METTL24: variants seen among roughly 807,000 people sequenced by gnomAD.
METTL24 encodes the protein probable methyltransferase-like protein 24.
A neutral mutation model predicts 32.7 loss-of-function variants in METTL24; 29 were observed. The observed-to-expected ratio is 0.89, with a 90% CI of 0.66 to 1.21. The LOEUF (loss-of-function observed/expected upper bound fraction) is 1.21, where lower values mean the gene tolerates loss of function less well. Among genes scored for constraint, METTL24 ranks in the 50% most tolerant of loss-of-function variants. The pLI is 0.00. For synonymous variants in METTL24, 163 were observed against 179.5 expected (o/e 0.91, Z 0.73); for missense variants, 439 against 468.1 (o/e 0.94, Z 0.57).
chr6:110,266,772 A>C (rs1283697439), intron 4 of METTL24, among the ~76,000 whole-genome samples: 1 of 152,218 alleles, frequency 6.6e-6, no homozygotes, highest in Non-Finnish European at 1.5e-5. Context: ...AAGCAGCCAG[A>C]TACTGACATT....
intron 4 of METTL24, among the ~76,000 whole-genome samples, chr6:110,273,013 G>C (rs1384516365): frequency 1.3e-5 from 2 of 151,954 alleles, no homozygotes; most frequent in African/African-American, 4.8e-5. Flanking sequence ...ATCTGCTTGG[G>C]GGTTCTTAGT....
In METTL24 at chr6:110,322,809, C is replaced by A. The variant is rs554080098; in HGVS notation, c.382G>T (p.Ala128Ser). ...AGSAQSLDEE[A>S]WRFLRYISTT... is the part of the protein sequence containing the mutation. The stretch of plus-strand genomic sequence containing the variant: ...CTGATATATCTCAGGAACCTCCAGG[C>A]TTCTTCATCCAGGGACTGAGCAGAG... Residue 128 changes from alanine (A) to serine (S), a missense_variant, in exon 2 of 5, where the codon GCC (alanine) becomes TCC (serine). Physicochemically the swap from Ala to Ser is moderately conservative, Grantham distance 99. Transcript: ENST00000338882. 1 of 1,613,874 alleles carries A rather than the reference C, an allele frequency of 6.2e-7. No homozygotes were observed. The highest frequency in any genetic ancestry group is 8.5e-7 in the Non-Finnish European group (1 of 1,179,942).
intron 4 of METTL24, among the ~76,000 whole-genome samples, chr6:110,258,818 AC>A (rs1316505938): frequency 4.6e-5 from 7 of 150,682 alleles, no homozygotes; most frequent in African/African-American, 1.7e-4. Flanking sequence ...ACACACACAC[AC>A]ACAACAAAAC....
intron 4 of METTL24, among the ~76,000 whole-genome samples, chr6:110,246,803 A>G (rs1195052665): frequency 6.6e-6 from 1 of 152,208 alleles, no homozygotes; most frequent in Non-Finnish European, 1.5e-5. Context: ...TGCAGGGACT[A>G]TCTTGCAGGC....
At chr6:110,293,917 T>A (rs1771365312) in intron 4 of METTL24, among the ~76,000 whole-genome samples, 1 of 152,058 alleles carries the variant, frequency 6.6e-6, no homozygotes, top group South Asian at 2.1e-4. Flanking sequence ...ATGGTGATGA[T>A]ATAAATCCTT....
chr6:110,260,763 A>G (rs2114699286), intron 4 of METTL24, among the ~76,000 whole-genome samples: 1 of 152,352 alleles, frequency 6.6e-6, no homozygotes, highest in South Asian at 2.1e-4. Flanking sequence ...CTAACAGGTG[A>G]TCTCTCGGCA....
At chr6:110,293,919 T>A (rs1428197568) in intron 4 of METTL24, among the ~76,000 whole-genome samples, 4 of 151,936 alleles carry the variant, frequency 2.6e-5, no homozygotes, top group African/African-American at 9.7e-5. Flanking sequence ...GGTGATGATA[T>A]AAATCCTTAT....
intron 4 of METTL24, among the ~76,000 whole-genome samples, chr6:110,287,179 T>C (rs1771237685): frequency 6.6e-6 from 1 of 152,238 alleles, no homozygotes; most frequent in Admixed American, 6.5e-5. Context: ...GACATTTTGC[T>C]ACACCTCAAA....
At chr6:110,301,110 C>T (rs142087504) in intron 3 of METTL24, among the ~76,000 whole-genome samples, 1 of 152,236 alleles carries the variant, frequency 6.6e-6, no homozygotes, top group Non-Finnish European at 1.5e-5. Context: ...GCTCTTTTTC[C>T]GACTGCATCC....
At chr6:110,275,657 T>G (rs1771034481) in intron 4 of METTL24, among the ~76,000 whole-genome samples, 1 of 152,194 alleles carries the variant, frequency 6.6e-6, no homozygotes, top group African/African-American at 2.4e-5. Context: ...GCATTCCCTG[T>G]CCTTGGTTGA....
At chr6:110,294,398 A>G (rs931378379) in intron 4 of METTL24, among the ~76,000 whole-genome samples, 4 of 151,860 alleles carry the variant, frequency 2.6e-5, no homozygotes, top group African/African-American at 9.7e-5. Flanking sequence ...GGATAATTTT[A>G]TATATTAAAA....
At chr6:110,255,488 A>C (rs1778365369) in intron 4 of METTL24, among the ~76,000 whole-genome samples, 1 of 152,130 alleles carries the variant, frequency 6.6e-6, no homozygotes, top group Non-Finnish European at 1.5e-5. Flanking sequence ...CAAGCAGCAC[A>C]AACGTAGGCA....
At chr6:110,315,661 A>G (rs1331424811) in intron 2 of METTL24, among the ~76,000 whole-genome samples, 180 bp from the exon 3 acceptor site, 1 of 152,204 alleles carries the variant, frequency 6.6e-6, no homozygotes, top group Non-Finnish European at 1.5e-5. Flanking sequence ...GAGAAATTTC[A>G]ATTACTAGAT....
intron 1 of METTL24, among the ~76,000 whole-genome samples, chr6:110,335,721 G>T (rs997254231): frequency 6.6e-6 from 1 of 151,984 alleles, no homozygotes; most frequent in Non-Finnish European, 1.5e-5. Context: ...TATTGTACTG[G>T]TAGGGGGTCT....
At chr6:110,267,763 C>A (rs775857715) in intron 4 of METTL24, among the ~76,000 whole-genome samples, 46 of 152,150 alleles carry the variant, frequency 3.0e-4, no homozygotes, top group Non-Finnish European at 5.9e-4. Flanking sequence ...GCAGGCTGTA[C>A]AAGCATGCCA....
chr6:110,272,260 T>C (rs1038359490), intron 4 of METTL24, among the ~76,000 whole-genome samples: 1 of 150,312 alleles, frequency 6.7e-6, no homozygotes, highest in Non-Finnish European at 1.5e-5. Flanking sequence ...CTTAGAATAA[T>C]GGCCTCCAGC....
intron 4 of METTL24, chr6:110,253,849 T>C (rs1013549058): frequency 2.8e-5 from 39 of 1,398,688 alleles, no homozygotes; most frequent in Non-Finnish European, 3.5e-5. Flanking sequence ...TATTTCCATG[T>C]CAATAAATTT....
chr6:110,358,324 A>G lies in METTL24; in HGVS notation c.-52T>C. ...CGCGCCTGGCCGGCAGCAGGGATGT[A>G]GCCCCACAGGCCGGAGCGGCCAACT... On this transcript the variant is annotated 5_prime_UTR_variant, in exon 1 of 5. Coordinates refer to ENST00000338882, the MANE Select transcript of METTL24 (RefSeq NM_001123364.3). The G allele has an allele frequency of 7.5e-7, 1 of 1,328,742 alleles. No homozygotes were observed. Among genetic ancestry groups the G allele is most frequent in the Non-Finnish European group, 9.7e-7 (1 of 1,026,818 alleles). The allele number at this position is 1,328,742 out of a possible 1,614,324, so 82.3% of individuals were successfully genotyped here. A position where few individuals can be genotyped will look rare whatever the true frequency, so the allele number is the denominator to read the frequency against.
In METTL24 at chr6:110,315,501, A is replaced by G. The variant is rs368488630; in HGVS notation, c.418-20T>C. 4 of 1,612,376 alleles carry G rather than the reference A, an allele frequency of 2.5e-6. No homozygotes were observed. The African/African-American group carries it at 5.3e-5, about 22-fold the overall frequency. On this transcript the variant is annotated intron_variant, in intron 2 of 4. Transcript: ENST00000338882. Reference sequence around the variant, plus strand: ...TGCAATCTGTAAAGATTGGAAATCAATGTGAATAATTTGAAATGTTGGATG... The same window carrying G: ...TGCAATCTGTAAAGATTGGAAATCAGTGTGAATAATTTGAAATGTTGGATG...
Sources: gnomAD v4.1 joint callset for allele counts (sites outside exome capture counted in the v4.1 genomes callset) on GRCh38, gnomAD v4.1.1 for gene constraint, MANE v1.5 for transcripts, NCBI Gene and HGNC (gene_info 2026-07-23, HGNC 2026-07-21) for gene names.